COL6A6: variants seen among roughly 807,000 people sequenced by gnomAD.
COL6A6 encodes the protein collagen alpha-6(VI) chain.
A neutral mutation model predicts 208.6 loss-of-function variants in COL6A6; 183 were observed. The ratio of observed to expected loss-of-function variants is 0.88; its 90% CI spans 0.78 to 0.99. The LOEUF is 0.99. COL6A6 is among the 50% of genes least tolerant of loss of function. The probability of loss-of-function intolerance (pLI) is 0.00; values close to 1 mark genes in which losing one functional copy is unlikely to be tolerated. For synonymous variants in COL6A6, 973 were observed against 1,011.8 expected, an observed-to-expected ratio of 0.96 and a Z score of 0.73; for missense variants, 2,816 against 2,815.2, an observed-to-expected ratio of 1.00 and a Z score of -0.01.
At chr3:130,565,909 T>G (rs1038214643) in intron 4 of COL6A6, among the ~76,000 whole-genome samples, 3 of 152,216 alleles carry the variant, frequency 2.0e-5, no homozygotes, top group African/African-American at 7.2e-5. Flanking sequence ...TCTCTTCTTT[T>G]GTCTTTCTCT....
At chr3:130,605,921 TC>T (rs2064169938) in intron 20 of COL6A6, among the ~76,000 whole-genome samples, 1 of 152,182 alleles carries the variant, frequency 6.6e-6, no homozygotes, top group African/African-American at 2.4e-5. Context: ...CTTATTCACT[TC>T]CATGAGAACA....
At chr3:130,537,884 A>G (rs2107735001) in intron 1 of COL6A6, among the ~76,000 whole-genome samples, 1 of 152,364 alleles carries the variant, frequency 6.6e-6, no homozygotes, top group East Asian at 1.9e-4. Flanking sequence ...AGCAACTTGG[A>G]GATACAGAGC....
intron 36 of COL6A6, 39 bp downstream of exon 36, chr3:130,665,135 C>T: frequency 2.2e-6 from 3 of 1,365,422 alleles, no homozygotes; most frequent in Non-Finnish European, 3.0e-6. Flanking sequence ...ATGAGAATGC[C>T]CCCTGCCTTT....
chr3:130,608,519 T>C (rs1344327114), intron 21 of COL6A6, among the ~76,000 whole-genome samples: 5 of 152,122 alleles, frequency 3.3e-5, no homozygotes, highest in Non-Finnish European at 7.4e-5. Context: ...ATATAAATAT[T>C]AATATAATCG....
intron 22 of COL6A6, among the ~76,000 whole-genome samples, chr3:130,609,501 T>G (rs1317793860): frequency 6.6e-6 from 1 of 152,166 alleles, no homozygotes; most frequent in Non-Finnish European, 1.5e-5. Context: ...CTTGGCTGTT[T>G]ACACTGATCA....
intron 20 of COL6A6, 126 bp downstream of exon 20, chr3:130,599,936 A>C: frequency 1.2e-6 from 1 of 838,132 alleles, no homozygotes; most frequent in Non-Finnish European, 2.0e-6. Flanking sequence ...AAACTAACTT[A>C]TGACATCTCG....
chr3:130,586,303 G>C (rs2063540109), intron 10 of COL6A6, among the ~76,000 whole-genome samples: 2 of 152,146 alleles, frequency 1.3e-5, no homozygotes, highest in African/African-American at 4.8e-5. Flanking sequence ...AATTTATTTA[G>C]TTTTGAAAAA....
At chr3:130,544,708 C>T (rs1400781909) in intron 1 of COL6A6, among the ~76,000 whole-genome samples, 1 of 152,118 alleles carries the variant, frequency 6.6e-6, no homozygotes, top group Non-Finnish European at 1.5e-5. Context: ...TATCTCTCAT[C>T]TTTCTTATAA....
chr3:130,600,075 G>T (rs2063968563), intron 20 of COL6A6, among the ~76,000 whole-genome samples: 1 of 152,204 alleles, frequency 6.6e-6, no homozygotes, highest in Admixed American at 6.5e-5. Flanking sequence ...CCAACTAGGG[G>T]AAAAGTGGTC....
intron 1 of COL6A6, among the ~76,000 whole-genome samples, chr3:130,555,865 A>G (rs2062757583): frequency 6.9e-6 from 1 of 145,328 alleles, no homozygotes; most frequent in Admixed American, 6.6e-5. Flanking sequence ...GAGAAACTCA[A>G]CTTGATAGTG....
At chr3:130,603,709 A>G (rs6781724) in intron 20 of COL6A6, among the ~76,000 whole-genome samples, 22,243 of 152,180 alleles carry the variant, frequency 0.15, 2,796 homozygotes, top group African/African-American at 0.33. Context: ...CTTGGCACTC[A>G]TTTACAGGCA....
chr3:130,624,787 C>G (rs1425155061), intron 24 of COL6A6, among the ~76,000 whole-genome samples: 1 of 152,014 alleles, frequency 6.6e-6, no homozygotes, highest in African/African-American at 2.4e-5. Flanking sequence ...CAAAGAAAAC[C>G]CAAATCCTCT....
chr3:130,531,353 C>A (rs1210422196), intron 1 of COL6A6, among the ~76,000 whole-genome samples: 1 of 152,034 alleles, frequency 6.6e-6, no homozygotes, highest in African/African-American at 2.4e-5. Flanking sequence ...CACCCCACAC[C>A]CCAGCAGAAT....
chr3:130,544,680 T>G (rs998685468), intron 1 of COL6A6, among the ~76,000 whole-genome samples: 4 of 152,188 alleles, frequency 2.6e-5, no homozygotes, highest in Non-Finnish European at 4.4e-5. Flanking sequence ...CCCTTTTCTC[T>G]ACACCTTCAA....
At chr3:130,607,993 G>A (rs1415958746) in intron 21 of COL6A6, among the ~76,000 whole-genome samples, 1 of 152,172 alleles carries the variant, frequency 6.6e-6, no homozygotes, top group African/African-American at 2.4e-5. Flanking sequence ...TCTAGAAATG[G>A]TGCCTTCTTG....
At chr3:130,607,009 A>G in intron 21 of COL6A6, 43 bp downstream of exon 21, 3 of 1,472,738 alleles carry the variant, frequency 2.0e-6, no homozygotes, top group South Asian at 1.2e-5. Flanking sequence ...CAAATACTGC[A>G]TCCAATCAGG....
intron 1 of COL6A6, among the ~76,000 whole-genome samples, chr3:130,539,730 A>G (rs2062314586): frequency 6.6e-6 from 1 of 152,216 alleles, no homozygotes. Context: ...TTTGATCAAA[A>G]TATGCTCTTC....
At chr3:130,652,659 C>T (rs1342919087) in intron 33 of COL6A6, among the ~76,000 whole-genome samples, 1 of 152,228 alleles carries the variant, frequency 6.6e-6, no homozygotes, top group African/African-American at 2.4e-5. Flanking sequence ...TCTGATATTA[C>T]AGAAGAGAAA....
At chr3:130,536,908 T>C (rs2062239194) in intron 1 of COL6A6, among the ~76,000 whole-genome samples, 1 of 152,194 alleles carries the variant, frequency 6.6e-6, no homozygotes, top group Non-Finnish European at 1.5e-5. Context: ...TCAGGTGAGA[T>C]GATAGTGTCT....
Sources: allele counts gnomAD v4.1 joint callset (sites outside exome capture counted in the v4.1 genomes callset), GRCh38; gene constraint gnomAD v4.1.1; transcripts MANE v1.5; gene names NCBI Gene and HGNC (gene_info 2026-07-23, HGNC 2026-07-21).